Variants in FIGN observed in about 807,000 individuals in gnomAD.
FIGN encodes the protein fidgetin, microtubule severing factor, also known as fidgetin.
A neutral mutation model predicts 51.3 loss-of-function variants in FIGN; 11 were observed. The ratio of observed to expected loss-of-function variants is 0.21; its 90% CI spans 0.13 to 0.35. The LOEUF is 0.35. FIGN is among the 10% of genes least tolerant of loss of function. The pLI is 1.00. For missense variants in FIGN, 857 were observed against 943.6 expected (o/e 0.91, Z 1.20); for synonymous variants, 407 against 363.2 (o/e 1.12, Z -1.37).
chr2:163,668,706 T>C (rs1169282048), intron 2 of FIGN, among the ~76,000 whole-genome samples: 6 of 152,098 alleles, frequency 3.9e-5, no homozygotes, highest in Admixed American at 3.9e-4. Flanking sequence ...TTTGGGAGGC[T>C]GAGGCGGGCA....
intron 2 of FIGN, among the ~76,000 whole-genome samples, chr2:163,701,593 CAGAGT>C (rs1211327343): frequency 6.6e-6 from 1 of 152,168 alleles, no homozygotes; most frequent in Non-Finnish European, 1.5e-5. Context: ...AAGCTCCCAG[CAGAGT>C]ATACAGTGGC....
chr2:163,610,090 A>G lies in FIGN; in HGVS notation c.1742T>C (p.Val581Ala). 1 of 1,613,846 alleles carries G rather than the reference A, an allele frequency of 6.2e-7. No homozygotes were observed. Among genetic ancestry groups the G allele is most frequent in the Non-Finnish European group, 8.5e-7 (1 of 1,179,822 alleles). The change falls in exon 3 of 3, where the codon GTG (valine) becomes GCG (alanine). Residue 581 changes from valine to alanine, a missense_variant. This residue lies in a region of FIGN where 799 missense variants were observed against 849.5 expected (regional missense o/e 0.94). Transcript: ENST00000333129. The part of the protein sequence containing the change: ...FLVARCRQPS[V>A]IFVSDIDMLL... The stretch of plus-strand genomic sequence containing the variant: ...CATGTCAATGTCACTAACAAAAATC[A>G]CCGAGGGCTGGCGACACCTGGCCAC...
At chr2:163,612,756 A>G (rs1682783197) in intron 2 of FIGN, among the ~76,000 whole-genome samples, 1 of 142,166 alleles carries the variant, frequency 7.0e-6, no homozygotes, top group Non-Finnish European at 1.5e-5. Context: ...CTTCATATAT[A>G]TATATATATA....
chr2:163,731,199 T>C (rs1684923727), intron 2 of FIGN, among the ~76,000 whole-genome samples: 1 of 152,118 alleles, frequency 6.6e-6, no homozygotes, highest in Non-Finnish European at 1.5e-5. Context: ...CTCTCAAACT[T>C]TGTGGATCTG....
intron 2 of FIGN, among the ~76,000 whole-genome samples, chr2:163,624,691 C>CATATATATAT (rs55969954): frequency 1.4e-5 from 2 of 141,280 alleles, no homozygotes; most frequent in African/African-American, 5.2e-5. Flanking sequence ...TATATACATA[C>CATATATATAT]ATATATATAT....
intron 2 of FIGN, among the ~76,000 whole-genome samples, chr2:163,697,455 G>C (rs1051351027): frequency 6.6e-6 from 1 of 152,008 alleles, no homozygotes; most frequent in African/African-American, 2.4e-5. Context: ...TCACACCACA[G>C]TGGTCCTCTC....
intron 2 of FIGN, among the ~76,000 whole-genome samples, chr2:163,615,253 C>T (rs916747471): frequency 6.6e-6 from 1 of 152,166 alleles, no homozygotes; most frequent in East Asian, 1.9e-4. Flanking sequence ...TGGACTTGTT[C>T]ATATCCCCTG....
intron 2 of FIGN, among the ~76,000 whole-genome samples, chr2:163,661,888 C>T (rs13407038): frequency 0.035 from 5,273 of 152,194 alleles, 267 homozygotes; most frequent in African/African-American, 0.11. Context: ...GTAAGTCCAA[C>T]TAAACCTCTT....
At chr2:163,695,637 T>C (rs1684306698) in intron 2 of FIGN, among the ~76,000 whole-genome samples, 1 of 152,180 alleles carries the variant, frequency 6.6e-6, no homozygotes, top group African/African-American at 2.4e-5. Flanking sequence ...ACAACAGGTA[T>C]GAACTGTGAC....
At chr2:163,735,778 TTAA>T (rs1404201830) in intron 1 of FIGN, 57 bp downstream of exon 1, 5 of 152,618 alleles carry the variant, frequency 3.3e-5, no homozygotes, top group Admixed American at 6.5e-5. Flanking sequence ...TTTATATTCT[TTAA>T]AAATAAAACA....
intron 2 of FIGN, among the ~76,000 whole-genome samples, chr2:163,709,173 A>C (rs978185425): frequency 8.5e-5 from 13 of 152,146 alleles, no homozygotes; most frequent in Non-Finnish European, 1.6e-4. Context: ...GGAATACATC[A>C]CCTTGCAGTA....
intron 2 of FIGN, among the ~76,000 whole-genome samples, chr2:163,671,382 G>A (rs545171664): frequency 3.3e-5 from 5 of 152,130 alleles, no homozygotes; most frequent in Non-Finnish European, 5.9e-5. Context: ...AGGGACTCAC[G>A]ATCATGGAAA....
intron 2 of FIGN, among the ~76,000 whole-genome samples, chr2:163,723,058 GCA>G (rs1475165214): frequency 6.6e-6 from 1 of 151,842 alleles, no homozygotes; most frequent in African/African-American, 2.4e-5. Context: ...CGTGGTGGTG[GCA>G]GACGCCTGTA....
intron 2 of FIGN, among the ~76,000 whole-genome samples, chr2:163,643,248 C>T (rs917358101): frequency 9.2e-5 from 14 of 152,178 alleles, no homozygotes; most frequent in African/African-American, 3.1e-4. Context: ...AACTGATTTT[C>T]TACCAGAACA....
intron 2 of FIGN, among the ~76,000 whole-genome samples, chr2:163,660,472 T>G (rs1683635487): frequency 6.6e-6 from 1 of 151,814 alleles, no homozygotes; most frequent in African/African-American, 2.4e-5. Context: ...AACATATCAA[T>G]TAATAATACC....
chr2:163,659,402 A>G (rs1683615654), intron 2 of FIGN, among the ~76,000 whole-genome samples: 1 of 152,226 alleles, frequency 6.6e-6, no homozygotes, highest in South Asian at 2.1e-4. Flanking sequence ...TACCAAATGC[A>G]TTCTTTAAAT....
chr2:163,694,318 A>T (rs1684283949), intron 2 of FIGN, among the ~76,000 whole-genome samples: 1 of 152,224 alleles, frequency 6.6e-6, no homozygotes, highest in Non-Finnish European at 1.5e-5. Flanking sequence ...TGGATTATAC[A>T]GTTAAATCAG....
intron 2 of FIGN, among the ~76,000 whole-genome samples, chr2:163,663,911 T>C (rs62169897): frequency 0.29 from 43,476 of 151,590 alleles, 6,355 homozygotes; most frequent in East Asian, 0.45. Context: ...AAAAAAAAGA[T>C]AGTTTACTCT....
Position 163,609,276 on chromosome 2 carries a change from A to C in FIGN, c.*276T>G. ...AGGTTCATGTCCTTCTGAAATCAAC[A>C]CACTTGCACCTTGCTCCTTGGTGAG... On this transcript the variant is annotated 3_prime_UTR_variant, in exon 3 of 3. Transcript: ENST00000333129. The C allele has an allele frequency of 2.6e-6, 1 of 383,428 alleles. No homozygotes were observed. 23.8% of individuals were successfully genotyped at this position (383,428 alleles called of 1,614,324 possible).
Sources: gnomAD v4.1 joint callset for allele counts (sites outside exome capture counted in the v4.1 genomes callset) on GRCh38, gnomAD v4.1.1 for gene constraint, gnomAD v4.1.1 regional missense constraint, MANE v1.5 for transcripts, NCBI Gene and HGNC (gene_info 2026-07-23, HGNC 2026-07-21) for gene names.